The following SEMA3E variants were observed in gnomAD, a reference collection of about 807,000 sequenced individuals.
The protein encoded by SEMA3E is semaphorin 3E.
In SEMA3E, 49 loss-of-function variants were observed where a neutral mutation model predicts 93.6. The ratio of observed to expected loss-of-function variants is 0.52; its 90% CI spans 0.42 to 0.66. The LOEUF is 0.66. Ranked by LOEUF, SEMA3E falls within the 30% of genes least tolerant of loss-of-function variation. The probability of loss-of-function intolerance (pLI) is 0.00; values close to 1 mark genes in which losing one functional copy is unlikely to be tolerated. For missense variants in SEMA3E, 906 were observed against 964.8 expected (o/e 0.94, Z 0.81); for synonymous variants, 363 against 330.7 (o/e 1.10, Z -1.06).
chr7:83,426,585 C>T (rs922620295), intron 4 of SEMA3E, among the ~76,000 whole-genome samples: 14 of 152,064 alleles, frequency 9.2e-5, no homozygotes, highest in African/African-American at 3.1e-4. Context: ...ATTCTCAGTA[C>T]CTGGCGATGG....
chr7:83,628,428 T>C (rs1793719213), intron 1 of SEMA3E, among the ~76,000 whole-genome samples: 1 of 152,146 alleles, frequency 6.6e-6, no homozygotes, highest in Non-Finnish European at 1.5e-5. Flanking sequence ...GGTACACCAA[T>C]GAAACATAGT....
At chr7:83,461,223 T>C (rs1025025264) in intron 4 of SEMA3E, among the ~76,000 whole-genome samples, 1 of 152,104 alleles carries the variant, frequency 6.6e-6, no homozygotes, top group Admixed American at 6.5e-5. Flanking sequence ...CCAGTGCAAC[T>C]CGTCCCAAAT....
At chr7:83,521,269 G>A (rs1441282562) in intron 1 of SEMA3E, among the ~76,000 whole-genome samples, 1 of 151,982 alleles carries the variant, frequency 6.6e-6, no homozygotes, top group Non-Finnish European at 1.5e-5. Flanking sequence ...CTTTTACCAA[G>A]ACAAACAGGC....
rs1406498187 is a variant in SEMA3E at position 83,434,904 on chromosome 7, G to A, written c.457-16421C>T. Among the ~76,000 whole-genome samples the A allele has an allele frequency of 3.3e-5, 5 of 151,172 alleles. No homozygotes were observed. In the South Asian group the frequency reaches 6.3e-4, roughly 19 times the overall value. ...AATTTTTTGTATTTTTAGTAGAGAC[G>A]GGGTTTCACCGTTTTAGCCGGGATG... On this transcript the variant is annotated intron_variant, in intron 4 of 16. Transcript: ENST00000643230.
At chr7:83,484,557 T>C (rs1298603800) in intron 2 of SEMA3E, among the ~76,000 whole-genome samples, 1 of 152,184 alleles carries the variant, frequency 6.6e-6, no homozygotes, top group East Asian at 1.9e-4. Context: ...TAGTCAAAAC[T>C]GGTCATTGAG....
intron 1 of SEMA3E, among the ~76,000 whole-genome samples, chr7:83,623,662 A>G (rs1793610404): frequency 1.3e-5 from 2 of 151,988 alleles, no homozygotes; most frequent in Admixed American, 1.3e-4. Flanking sequence ...TTTAGAAATT[A>G]TATTTGCTAC....
At chr7:83,368,272 T>C (rs945488105) in intron 16 of SEMA3E, among the ~76,000 whole-genome samples, 2 of 150,676 alleles carry the variant, frequency 1.3e-5, no homozygotes, top group African/African-American at 2.5e-5. Context: ...GGTCACTTCA[T>C]ATCAATGACC....
At chr7:83,499,725 G>A (rs995119912) in intron 1 of SEMA3E, among the ~76,000 whole-genome samples, 1 of 152,102 alleles carries the variant, frequency 6.6e-6, no homozygotes, top group Non-Finnish European at 1.5e-5. Context: ...TTTATCTCAT[G>A]CAGCCTCCTC....
At chr7:83,376,961 C>T (rs1436679099) in intron 16 of SEMA3E, among the ~76,000 whole-genome samples, 1 of 151,944 alleles carries the variant, frequency 6.6e-6, no homozygotes, top group African/African-American at 2.4e-5. Context: ...TATGGGCCAG[C>T]AGTTTTCTTG....
At chr7:83,532,090 A>C (rs1405658808) in intron 1 of SEMA3E, among the ~76,000 whole-genome samples, 4 of 152,326 alleles carry the variant, frequency 2.6e-5, no homozygotes, top group Middle Eastern at 3.4e-3. Context: ...TGAAGGAGAT[A>C]GTTCAATGCA....
intron 1 of SEMA3E, among the ~76,000 whole-genome samples, chr7:83,631,607 T>C (rs1436403598): frequency 2.0e-5 from 3 of 152,228 alleles, no homozygotes; most frequent in Non-Finnish European, 4.4e-5. Context: ...TCTTTGAATA[T>C]AGGAATGTCT....
intron 1 of SEMA3E, among the ~76,000 whole-genome samples, chr7:83,610,995 G>A (rs191703872): frequency 9.2e-5 from 14 of 151,844 alleles, no homozygotes; most frequent in East Asian, 1.9e-4. Context: ...GAGAAATTCC[G>A]AGTTCCCCCA....
chr7:83,435,497 G>A lies in SEMA3E; in HGVS notation c.457-17014C>T, dbSNP rs6965108. 4.9e-3 allele frequency among the ~76,000 whole-genome samples: 749 copies of A among 152,186 alleles called. 7 individuals carry two copies. Among genetic ancestry groups the A allele is most frequent in the African/African-American group, 0.017 (705 of 41,520 alleles). On this transcript the variant is annotated intron_variant, in intron 4 of 16. Transcript: ENST00000643230. Reference sequence around the variant, plus strand: ...TGTAATCCCAGCTGCCCAGGAGGCCGAGGCAGGAGAATTGCTGGAACCCGG... The same window carrying A: ...TGTAATCCCAGCTGCCCAGGAGGCCAAGGCAGGAGAATTGCTGGAACCCGG...
rs147424529 is a variant in SEMA3E at position 83,631,335 on chromosome 7, G to A, written c.115+17093C>T. Among the ~76,000 whole-genome samples the A allele has an allele frequency of 1.9e-4, 29 of 152,094 alleles. 1 individual carries two copies. In the East Asian group the frequency reaches 5.6e-3, roughly 29 times the overall value. On this transcript the variant is annotated intron_variant, in intron 1 of 16. Transcript: ENST00000643230. ...CATTTATTGGTCTACATCATCCAGG[G>A]AAGCCAGAAAAGCATACATTTTATA...
At chr7:83,413,445 C>T (rs952797514) in intron 5 of SEMA3E, among the ~76,000 whole-genome samples, 2 of 152,174 alleles carry the variant, frequency 1.3e-5, no homozygotes, top group African/African-American at 4.8e-5. Context: ...CACTTTATAA[C>T]TGAATTTTAT....
At chr7:83,406,590 G>T (rs1181949544) in intron 7 of SEMA3E, among the ~76,000 whole-genome samples, 1 of 151,560 alleles carries the variant, frequency 6.6e-6, no homozygotes, top group Non-Finnish European at 1.5e-5. Context: ...CTTCTTAAAT[G>T]GCAAGGTAAC....
chr7:83,447,448 A>C (rs1427910228), intron 4 of SEMA3E, among the ~76,000 whole-genome samples: 1 of 152,026 alleles, frequency 6.6e-6, no homozygotes, highest in African/African-American at 2.4e-5. Flanking sequence ...CGAGGCAGGA[A>C]AATCGCTTGA....
Position 83,366,053 on chromosome 7 carries a change from A to G in SEMA3E, c.*1533T>C, listed in dbSNP as rs1215663771. The G allele has an allele frequency of 6.6e-6, 1 of 152,114 alleles. No homozygotes were observed. The highest frequency in any genetic ancestry group is 1.5e-5 in the Non-Finnish European group (1 of 67,964). 9.4% of individuals were successfully genotyped at this position (152,114 alleles called of 1,614,324 possible). ...TGAAGCATGGTGACTTATCTGAATAAACTTAAATTTTTCTTAAAATATTTA... is the reference window on the plus strand; with the variant it reads ...TGAAGCATGGTGACTTATCTGAATAGACTTAAATTTTTCTTAAAATATTTA... On this transcript the variant is annotated 3_prime_UTR_variant, in exon 17 of 17. Coordinates refer to ENST00000643230, the MANE Select transcript of SEMA3E (RefSeq NM_012431.3).
intron 1 of SEMA3E, among the ~76,000 whole-genome samples, chr7:83,516,389 C>G (rs1790928968): frequency 1.3e-5 from 2 of 152,044 alleles, no homozygotes; most frequent in Non-Finnish European, 2.9e-5. Flanking sequence ...TCTACTTTTT[C>G]AGGTTACTGA....
Sources: allele counts gnomAD v4.1 joint callset (sites outside exome capture counted in the v4.1 genomes callset), GRCh38; gene constraint gnomAD v4.1.1; transcripts MANE v1.5; gene names NCBI Gene and HGNC (gene_info 2026-07-23, HGNC 2026-07-21).